The following DDX10 variants were observed in gnomAD, a reference collection of about 807,000 sequenced individuals.
DDX10 encodes the protein probable ATP-dependent RNA helicase DDX10.
DDX10 carries 74 observed loss-of-function variants against 104.3 expected under a neutral mutation model. The observed-to-expected ratio is 0.71, with a 90% confidence interval of 0.59 to 0.86. The LOEUF (loss-of-function observed/expected upper bound fraction) is 0.86. DDX10 is among the 40% of genes least tolerant of loss of function. The pLI, the probability that DDX10 is intolerant of heterozygous loss-of-function variation, is 0.00. For missense variants in DDX10, 952 were observed against 1,040.0 expected (o/e 0.92, Z 1.16); for synonymous variants, 351 against 353.4 (o/e 0.99, Z 0.08).
chr11:108,713,207 C>G (rs2094286826), intron 10 of DDX10, among the ~76,000 whole-genome samples: 1 of 152,080 alleles, frequency 6.6e-6, no homozygotes, highest in South Asian at 2.1e-4. Flanking sequence ...TTTCTGAGCT[C>G]TTGGATCTGT....
chr11:108,707,696 A>C (rs150479394), intron 10 of DDX10, among the ~76,000 whole-genome samples: 1 of 152,228 alleles, frequency 6.6e-6, no homozygotes, highest in Non-Finnish European at 1.5e-5. Flanking sequence ...TGTCATTTAT[A>C]GGTTACTAAA....
intron 13 of DDX10, among the ~76,000 whole-genome samples, chr11:108,733,951 C>T (rs1166061508): frequency 6.6e-6 from 1 of 152,170 alleles, no homozygotes; most frequent in African/African-American, 2.4e-5. Flanking sequence ...TCCACTTAAA[C>T]AGTGAAGGAT....
At chr11:108,711,198 C>T (rs1057191878) in intron 10 of DDX10, among the ~76,000 whole-genome samples, 5 of 152,206 alleles carry the variant, frequency 3.3e-5, no homozygotes, top group Non-Finnish European at 5.9e-5. Context: ...TTGCATTCCA[C>T]AAAGTTTGCT....
intron 16 of DDX10, among the ~76,000 whole-genome samples, chr11:108,901,533 A>G (rs991688505): frequency 1.3e-5 from 2 of 152,176 alleles, no homozygotes; most frequent in African/African-American, 2.4e-5. Flanking sequence ...TAGAGTACAG[A>G]TTTTTTAGTT....
intron 16 of DDX10, among the ~76,000 whole-genome samples, chr11:108,865,478 C>T (rs894300748): frequency 3.3e-5 from 5 of 152,152 alleles, no homozygotes; most frequent in African/African-American, 1.2e-4. Context: ...GGTTGAAATA[C>T]AGCAGGAGAC....
intron 13 of DDX10, among the ~76,000 whole-genome samples, chr11:108,783,767 T>C (rs1279221456): frequency 6.6e-6 from 1 of 152,158 alleles, no homozygotes; most frequent in Non-Finnish European, 1.5e-5. Context: ...GTACAAATGA[T>C]CCTGTCAGAT....
chr11:108,730,716 G>A (rs1403669319), intron 13 of DDX10, among the ~76,000 whole-genome samples: 4 of 152,254 alleles, frequency 2.6e-5, no homozygotes, highest in Admixed American at 6.5e-5. Context: ...ACTTATGTAG[G>A]CCGAGCTTTA....
At chr11:108,715,452 G>T (rs2134469139) in intron 10 of DDX10, among the ~76,000 whole-genome samples, 1 of 152,250 alleles carries the variant, frequency 6.6e-6, no homozygotes, top group South Asian at 2.1e-4. Context: ...TGAGTCCAGG[G>T]GTTCAAGGTT....
intron 14 of DDX10, among the ~76,000 whole-genome samples, chr11:108,840,929 C>T (rs1862628665): frequency 6.6e-6 from 1 of 152,098 alleles, no homozygotes; most frequent in South Asian, 2.1e-4. Context: ...CCATGGAAGC[C>T]CAAAGGAGGT....
chr11:108,849,847 A>T (rs1348773693), intron 15 of DDX10, among the ~76,000 whole-genome samples: 1 of 152,124 alleles, frequency 6.6e-6, no homozygotes, highest in Non-Finnish European at 1.5e-5. Context: ...TCCTGAAGTA[A>T]TTGTACTCCA....
chr11:108,914,421 G>A (rs1019044295), intron 16 of DDX10, among the ~76,000 whole-genome samples: 1 of 152,044 alleles, frequency 6.6e-6, no homozygotes, highest in Non-Finnish European at 1.5e-5. Context: ...CTGAATTCTT[G>A]GCTAAGTACC....
chr11:108,930,368 A>G (rs940710940), intron 17 of DDX10, among the ~76,000 whole-genome samples: 2 of 152,166 alleles, frequency 1.3e-5, no homozygotes, highest in African/African-American at 4.8e-5. Context: ...ATTCCATTGT[A>G]TGGATGTATC....
chr11:108,773,977 A>G (rs2094366619), intron 13 of DDX10, among the ~76,000 whole-genome samples: 1 of 152,186 alleles, frequency 6.6e-6, no homozygotes, highest in African/African-American at 2.4e-5. Context: ...TGAGCTAGAG[A>G]GTGTGTCATA....
At chr11:108,736,421 A>G (rs541608112) in intron 13 of DDX10, among the ~76,000 whole-genome samples, 3 of 152,190 alleles carry the variant, frequency 2.0e-5, no homozygotes, top group East Asian at 3.9e-4. Flanking sequence ...TTGGGTTATC[A>G]TGGATGGGCG....
At chr11:108,900,440 T>C (rs75732667) in intron 16 of DDX10, among the ~76,000 whole-genome samples, 1,533 of 152,312 alleles carry the variant, frequency 0.01, 24 homozygotes, top group African/African-American at 0.035. Flanking sequence ...CTTTCTAAAA[T>C]ACTTAAAGTC....
chr11:108,811,265 G>C (rs968566778), intron 13 of DDX10, among the ~76,000 whole-genome samples: 2 of 152,214 alleles, frequency 1.3e-5, no homozygotes, highest in Admixed American at 6.5e-5. Flanking sequence ...ATTAGGAAAT[G>C]TGACAAGACC....
intron 12 of DDX10, among the ~76,000 whole-genome samples, chr11:108,721,405 T>C (rs1003607173): frequency 6.6e-6 from 1 of 152,322 alleles, no homozygotes; most frequent in South Asian, 2.1e-4. Flanking sequence ...TAGTGGACTT[T>C]TGGCTCCCTG....
chr11:108,889,789 A>T (rs1249282171), intron 16 of DDX10, among the ~76,000 whole-genome samples: 1 of 152,220 alleles, frequency 6.6e-6, no homozygotes, highest in Non-Finnish European at 1.5e-5. Flanking sequence ...AAAAACAAGC[A>T]TGAGAATGAG....
intron 13 of DDX10, among the ~76,000 whole-genome samples, chr11:108,831,090 CA>C (rs1862462913): frequency 1.3e-5 from 2 of 152,012 alleles, no homozygotes; most frequent in Non-Finnish European, 2.9e-5. Context: ...TTTGGGGAAA[CA>C]GTGTTTATCA....
Sources: gnomAD v4.1 joint callset for allele counts (sites outside exome capture counted in the v4.1 genomes callset) on GRCh38, gnomAD v4.1.1 for gene constraint, MANE v1.5 for transcripts, NCBI Gene and HGNC (gene_info 2026-07-23, HGNC 2026-07-21) for gene names.